Variants in LUZP2 observed in about 807,000 individuals in gnomAD.
LUZP2 encodes the protein leucine zipper protein 2.
LUZP2 carries 52 observed loss-of-function variants against 51.6 expected under a neutral mutation model. The observed-to-expected ratio is 1.01, with a 90% CI of 0.81 to 1.27. The LOEUF (loss-of-function observed/expected upper bound fraction) is 1.27. Ranked by LOEUF, LUZP2 falls within the 50% of genes most tolerant of loss-of-function variation. The pLI is 0.00. For missense variants in LUZP2, 436 were observed against 395.4 expected, an observed-to-expected ratio of 1.10 and a Z score of -0.87; for synonymous variants, 154 against 137.3, an observed-to-expected ratio of 1.12 and a Z score of -0.85.
chr11:24,572,748 T>C (rs11600443), intron 1 of LUZP2, among the ~76,000 whole-genome samples: 88,119 of 151,854 alleles, frequency 0.58, 26,259 homozygotes, highest in East Asian at 0.8. Context: ...TTAGACTGGG[T>C]AGTTCTTAAA....
chr11:24,515,652 A>T (rs913409226), intron 1 of LUZP2, among the ~76,000 whole-genome samples: 7 of 152,168 alleles, frequency 4.6e-5, no homozygotes, highest in Non-Finnish European at 5.9e-5. Flanking sequence ...TTTTAGCCAA[A>T]AATTTTTGCT....
chr11:25,026,031 C>G (rs1452620079), intron 9 of LUZP2, among the ~76,000 whole-genome samples: 1 of 151,580 alleles, frequency 6.6e-6, no homozygotes, highest in Admixed American at 6.6e-5. Context: ...TCTGACCAAA[C>G]TATTGCAAGG....
intron 8 of LUZP2, among the ~76,000 whole-genome samples, chr11:24,981,178 G>A (rs1565187294): frequency 6.6e-6 from 1 of 151,814 alleles, no homozygotes; most frequent in Non-Finnish European, 1.5e-5. Context: ...ATGGAACTGA[G>A]TCAAGCCAAA....
chr11:24,881,236 G>T (rs1406291751), intron 5 of LUZP2, among the ~76,000 whole-genome samples: 2 of 151,984 alleles, frequency 1.3e-5, no homozygotes, highest in Non-Finnish European at 2.9e-5. Context: ...CAACTGAGAT[G>T]CCTTTGGTTT....
chr11:25,066,076 A>G (rs912602789), intron 10 of LUZP2, among the ~76,000 whole-genome samples: 1 of 151,864 alleles, frequency 6.6e-6, no homozygotes, highest in Non-Finnish European at 1.5e-5. Flanking sequence ...AGATTTCCAA[A>G]TGAGCATTTG....
At chr11:24,871,705 G>C (rs992818666) in intron 5 of LUZP2, among the ~76,000 whole-genome samples, 11 of 151,990 alleles carry the variant, frequency 7.2e-5, no homozygotes, top group Admixed American at 5.9e-4. Flanking sequence ...ATCTTTCATA[G>C]AGCCAGTATT....
At chr11:24,598,646 G>A (rs990989174) in intron 1 of LUZP2, among the ~76,000 whole-genome samples, 7 of 151,996 alleles carry the variant, frequency 4.6e-5, no homozygotes, top group Non-Finnish European at 1.0e-4. Context: ...ATCATATCCC[G>A]AGAAAAGAGA....
At chr11:24,562,668 A>G (rs1019303843) in intron 1 of LUZP2, among the ~76,000 whole-genome samples, 3 of 149,750 alleles carry the variant, frequency 2.0e-5, no homozygotes, top group Non-Finnish European at 4.4e-5. Context: ...CCTGGCTAAC[A>G]TGGTGAAACC....
chr11:25,013,965 G>C (rs1857059833), intron 9 of LUZP2, among the ~76,000 whole-genome samples: 1 of 151,596 alleles, frequency 6.6e-6, no homozygotes. Flanking sequence ...TGTTCTCATT[G>C]TTCAATTCCC....
chr11:25,034,709 T>G (rs1404888060), intron 9 of LUZP2, among the ~76,000 whole-genome samples: 2 of 152,164 alleles, frequency 1.3e-5, no homozygotes, highest in Non-Finnish European at 2.9e-5. Context: ...TGTGTTGGCC[T>G]TGTCGAAGAT....
At chr11:24,522,990 T>C (rs1850690006) in intron 1 of LUZP2, among the ~76,000 whole-genome samples, 1 of 152,014 alleles carries the variant, frequency 6.6e-6, no homozygotes, top group Non-Finnish European at 1.5e-5. Flanking sequence ...TGTGAAAATC[T>C]TCTCTTAAAT....
chr11:25,078,685 C>A lies in LUZP2; in HGVS notation c.*27C>A. The A allele has an allele frequency of 6.7e-7, 1 of 1,488,104 alleles. No homozygotes were observed. The highest frequency in any genetic ancestry group is 9.3e-7 in the Non-Finnish European group (1 of 1,079,094). The allele number at this position is 1,488,104 out of a possible 1,614,324, so 92.2% of individuals were successfully genotyped here. On this transcript the variant is annotated 3_prime_UTR_variant, in exon 12 of 12. Transcript: ENST00000336930. ...TACTAAGAAACTGTGTTAAAAACGT[C>A]CATTTGCTATTGTCTTCATATTCTT...
chr11:25,046,479 C>G (rs780811425), intron 9 of LUZP2, among the ~76,000 whole-genome samples: 2 of 152,006 alleles, frequency 1.3e-5, no homozygotes, highest in Non-Finnish European at 2.9e-5. Context: ...TCAGTACTGA[C>G]CCTAATTTTA....
chr11:24,789,446 C>A (rs1002622579), intron 5 of LUZP2, among the ~76,000 whole-genome samples: 3 of 152,110 alleles, frequency 2.0e-5, no homozygotes, highest in Non-Finnish European at 4.4e-5. Flanking sequence ...TACATGTTAG[C>A]AAATAGTTTT....
rs536417647 is a variant in LUZP2, at chr11:25,078,632, G to A, written c.1015G>A (p.Ala339Thr). 3.1e-6 allele frequency: 5 copies of A among 1,609,078 alleles called. 1 individual carries two copies. The highest frequency in any genetic ancestry group is 1.1e-5 in the South Asian group (1 of 89,940). ...ACCATTGACCAGCTTTGAAGGGATG[G>A]CAGCTAGAGAAGAAAAAATACTGTA... ...EKPLTSFEGM[A>T]AREEKIL Residue 339 changes from alanine to threonine, a missense_variant, in exon 12 of 12, where the codon GCA becomes ACA. Transcript: ENST00000336930.
chr11:24,752,193 T>C (rs1031035947), intron 4 of LUZP2, among the ~76,000 whole-genome samples: 2 of 152,020 alleles, frequency 1.3e-5, no homozygotes, highest in Non-Finnish European at 2.9e-5. Flanking sequence ...TCGTGAAATT[T>C]TAAAATATCA....
At chr11:24,685,977 A>G (rs1047617387) in intron 1 of LUZP2, among the ~76,000 whole-genome samples, 3 of 152,198 alleles carry the variant, frequency 2.0e-5, no homozygotes, top group African/African-American at 7.2e-5. Flanking sequence ...TGAACTAGAA[A>G]TGAGGAGTAT....
intron 1 of LUZP2, among the ~76,000 whole-genome samples, chr11:24,539,148 G>C (rs112574342): frequency 0.014 from 2,188 of 151,760 alleles, 50 homozygotes; most frequent in African/African-American, 0.047. Context: ...ATCTGCTTTT[G>C]TATAATTTTA....
At chr11:24,800,845 G>C (rs1353405164) in intron 5 of LUZP2, among the ~76,000 whole-genome samples, 1 of 151,974 alleles carries the variant, frequency 6.6e-6, no homozygotes, top group African/African-American at 2.4e-5. Flanking sequence ...CCTGCAAATG[G>C]CATTTTTTTT....
Sources: gnomAD v4.1 joint callset for allele counts (sites outside exome capture counted in the v4.1 genomes callset) on GRCh38, gnomAD v4.1.1 for gene constraint, MANE v1.5 for transcripts, NCBI Gene and HGNC (gene_info 2026-07-23, HGNC 2026-07-21) for gene names.